Variants in DMD observed in about 807,000 individuals in gnomAD.
The protein encoded by DMD is dystrophin.
A neutral mutation model predicts 330.1 loss-of-function variants in DMD; 63 were observed. That is an observed-to-expected ratio of 0.19 (90% CI 0.16 to 0.24). The LOEUF is 0.24. Ranked by LOEUF, DMD falls within the 10% of genes least tolerant of loss-of-function variation. DMD has a pLI of 1.00. For missense variants in DMD, 3,344 were observed against 2,684.1 expected, an observed-to-expected ratio of 1.25 and a Z score of -5.43; for synonymous variants, 1,223 against 959.8, an observed-to-expected ratio of 1.27 and a Z score of -5.07.
At chrX:32,477,432 G>A (rs1352221882) in intron 21 of DMD, among the ~76,000 whole-genome samples, 3 of 110,691 alleles carry the variant, frequency 2.7e-5, no homozygotes, top group African/African-American at 9.8e-5. Context: ...TGCACCTTTT[G>A]TTTAAAAACT....
chrX:33,081,961 GTTT>G (rs766149450), intron 1 of DMD, among the ~76,000 whole-genome samples: 1 of 98,936 alleles, frequency 1.0e-5, no homozygotes, highest in African/African-American at 3.6e-5. Flanking sequence ...GTGGAAAACA[GTTT>G]TTTTTTTTTT....
intron 63 of DMD, among the ~76,000 whole-genome samples, chrX:31,242,341 C>T (rs765189438): frequency 9.5e-6 from 1 of 104,862 alleles, no homozygotes; most frequent in East Asian, 3.0e-4. Flanking sequence ...CGCAAACAAG[C>T]CAGTCTTTCA....
At chrX:31,323,728 A>C (rs1352300820) in intron 61 of DMD, 70 bp from the exon 62 acceptor site, 1 of 943,988 alleles carries the variant, frequency 1.1e-6, no homozygotes, top group East Asian at 3.2e-5. Flanking sequence ...AGACAACATT[A>C]ATCTCCAGAA....
rs772734880 is a variant in DMD at position 33,235,371 on chromosome X, G to A, written c.7+103888C>T. On this transcript the variant is annotated intron_variant, in intron 1 of 17. Transcript: ENST00000288447. ...ACATTGATCATTTACTATATGCCAA[G>A]TATTGATCTAAGCAACTCATCAGAA... Among the ~76,000 whole-genome samples, 4 of 111,745 alleles carry A rather than the reference G, an allele frequency of 3.6e-5. No individual in the cohort carries two copies. In the East Asian group the frequency reaches 1.1e-3, roughly 31 times the overall value.
At chrX:32,932,390 C>T (rs2089664919) in intron 2 of DMD, among the ~76,000 whole-genome samples, 2 of 111,944 alleles carry the variant, frequency 1.8e-5, no homozygotes, top group Non-Finnish European at 3.8e-5. Context: ...AGTTTCCGTA[C>T]TCCCCTAGTG....
At chrX:32,578,711 A>C (rs1463562390) in intron 13 of DMD, among the ~76,000 whole-genome samples, 1 of 111,771 alleles carries the variant, frequency 8.9e-6, no homozygotes, top group Non-Finnish European at 1.9e-5. Context: ...CAGGGATAGA[A>C]TATGAAACCT....
chrX:33,096,120 G>A (rs1382195793), intron 1 of DMD, among the ~76,000 whole-genome samples: 4 of 108,470 alleles, frequency 3.7e-5, no homozygotes, highest in African/African-American at 6.7e-5. Context: ...GTCTACAGGC[G>A]CCTGCCACCA....
intron 60 of DMD, among the ~76,000 whole-genome samples, chrX:31,422,366 G>A (rs2063492717): frequency 9.0e-6 from 1 of 110,896 alleles, no homozygotes; most frequent in South Asian, 3.8e-4. Flanking sequence ...TCAATCTTGG[G>A]AAACATATAG....
At chrX:32,723,294 T>C (rs1658375848) in intron 7 of DMD, among the ~76,000 whole-genome samples, 1 of 111,284 alleles carries the variant, frequency 9.0e-6, no homozygotes, top group African/African-American at 3.3e-5. Flanking sequence ...GGTCACGGTT[T>C]ATAATCCAAT....
intron 49 of DMD, among the ~76,000 whole-genome samples, chrX:31,834,160 T>A (rs2093138138): frequency 1.8e-5 from 2 of 111,093 alleles, no homozygotes; most frequent in South Asian, 7.7e-4. Flanking sequence ...AGCAATGGAG[T>A]GTCCTTCAGA....
intron 2 of DMD, among the ~76,000 whole-genome samples, chrX:32,863,533 T>G (rs1226818415): frequency 2.9e-5 from 1 of 33,944 alleles, no homozygotes; most frequent in African/African-American, 2.7e-4. Flanking sequence ...AAAGATTGTG[T>G]TTATACACAC....
intron 29 of DMD, among the ~76,000 whole-genome samples, chrX:32,435,275 CAT>C (rs57376337): frequency 0.21 from 16,380 of 79,542 alleles, 1,406 homozygotes; most frequent in African/African-American, 0.27. Context: ...TATATACTTA[CAT>C]ATATATATAT....
At chrX:32,150,011 G>C (rs2096796347) in intron 44 of DMD, among the ~76,000 whole-genome samples, 1 of 111,853 alleles carries the variant, frequency 8.9e-6, no homozygotes, top group Admixed American at 9.5e-5. Context: ...CACACACAGG[G>C]ACATAAATTC....
intron 7 of DMD, among the ~76,000 whole-genome samples, chrX:32,733,941 C>CA (rs1161855174): frequency 4.0e-4 from 42 of 105,072 alleles, no homozygotes; most frequent in African/African-American, 1.5e-3. Context: ...AATAGAGACA[C>CA]AAAAAACCCT....
intron 9 of DMD, among the ~76,000 whole-genome samples, chrX:32,695,152 C>T (rs114747750): frequency 0.032 from 3,547 of 112,052 alleles, 143 homozygotes; most frequent in African/African-American, 0.11. Flanking sequence ...TCTATGTGTG[C>T]GTAACGCAAT....
intron 1 of DMD, among the ~76,000 whole-genome samples, chrX:33,306,834 G>A (rs1029162534): frequency 5.4e-5 from 6 of 111,096 alleles, no homozygotes; most frequent in Non-Finnish European, 9.4e-5. Flanking sequence ...ATACTATGGC[G>A]CTACCCTGCC....
chrX:32,716,376 T>C (rs2065730348), intron 7 of DMD, among the ~76,000 whole-genome samples: 1 of 110,589 alleles, frequency 9.0e-6, no homozygotes, highest in Admixed American at 9.7e-5. Flanking sequence ...TCTCTGGCCA[T>C]GTAAGGTATA....
At chrX:32,222,282 C>G (rs1396834206) in intron 43 of DMD, among the ~76,000 whole-genome samples, 1 of 111,425 alleles carries the variant, frequency 9.0e-6, no homozygotes, top group African/African-American at 3.3e-5. Flanking sequence ...AAAAGCAAGG[C>G]TAAGAGGAAA....
chrX:33,121,476 G>A (rs2095424727), intron 1 of DMD, among the ~76,000 whole-genome samples: 1 of 111,169 alleles, frequency 9.0e-6, no homozygotes, highest in Non-Finnish European at 1.9e-5. Context: ...CAAGTAATCC[G>A]CCCACCTTGG....
Sources: gnomAD v4.1 joint callset for allele counts (sites outside exome capture counted in the v4.1 genomes callset) on GRCh38, gnomAD v4.1.1 for gene constraint, MANE v1.5 for transcripts, NCBI Gene and HGNC (gene_info 2026-07-23, HGNC 2026-07-21) for gene names.